RBBP7: variants seen among roughly 807,000 people sequenced by gnomAD.
RBBP7 encodes histone-binding protein RBBP7.
RBBP7 carries 5 observed loss-of-function variants against 35.2 expected under a neutral mutation model. That is an observed-to-expected ratio of 0.14 (90% CI 0.07 to 0.30). The LOEUF (loss-of-function observed/expected upper bound fraction) is 0.30. Ranked by LOEUF, RBBP7 falls within the 10% of genes least tolerant of loss-of-function variation. RBBP7 has a pLI of 1.00. For missense variants in RBBP7, 155 were observed against 327.5 expected, an observed-to-expected ratio of 0.47 and a Z score of 4.07; for synonymous variants, 140 against 118.7, an observed-to-expected ratio of 1.18 and a Z score of -1.17.
chrX:16,870,055 T>G lies in RBBP7; in HGVS notation c.-2A>C. Reference sequence around the variant, plus strand: ...CCTCTTACTCTCTTTACTCGCCATCTTGCGTCGGGTCGTTCGCCCCTCGCC... The same window carrying G: ...CCTCTTACTCTCTTTACTCGCCATCGTGCGTCGGGTCGTTCGCCCCTCGCC... On this transcript the variant is annotated 5_prime_UTR_variant, in exon 1 of 12. Coordinates refer to ENST00000380087, the MANE Select transcript of RBBP7 (RefSeq NM_002893.4). 9.3e-7 allele frequency: 1 copy of G among 1,076,620 alleles called. No individual in the cohort carries two copies. The highest frequency in any genetic ancestry group is 1.2e-6 in the Non-Finnish European group (1 of 818,226). The allele number at this position is 1,076,620 out of a possible 1,213,427, so 88.7% of individuals were successfully genotyped here.
intron 3 of RBBP7, among the ~76,000 whole-genome samples, chrX:16,862,317 G>A (rs751056800): frequency 3.7e-4 from 41 of 111,046 alleles, no homozygotes; most frequent in Non-Finnish European, 6.6e-4. Context: ...ACCAAAACAG[G>A]AGAGTATATG....
rs1930029519 is a variant in RBBP7 at position 16,844,799 on chromosome X, T to TA, written c.*235dup. The stretch of plus-strand genomic sequence containing the variant: ...AGTTGAATCAAAGGCAATACCCTGC[T>TA]ACTTGTATTTAAAATCAATGGTGAT... On this transcript the variant is annotated 3_prime_UTR_variant, in exon 12 of 12. Transcript: ENST00000380087. The TA allele has an allele frequency of 3.3e-6, 1 of 301,780 alleles. No individual in the cohort carries two copies. The highest frequency in any genetic ancestry group is 1.3e-4 in the South Asian group (1 of 7,597). 24.9% of individuals were successfully genotyped at this position (301,780 alleles called of 1,213,427 possible). A position where few individuals can be genotyped will look rare whatever the true frequency, so the allele number is the denominator to read the frequency against.
chrX:16,864,320 G>C lies in RBBP7; in HGVS notation c.162-1220C>G, dbSNP rs1271318075. 3.6e-5 allele frequency among the ~76,000 whole-genome samples: 4 copies of C among 110,697 alleles called. No individual in the cohort carries two copies. The East Asian group carries it at 8.5e-4, about 23-fold the overall frequency. ...GGATCACCTGAGGTCAGGAGTTCGAGACCAGCCTAGCCAACGTGGAGAAAC... is the reference window on the plus strand; with the variant it reads ...GGATCACCTGAGGTCAGGAGTTCGACACCAGCCTAGCCAACGTGGAGAAAC... On this transcript the variant is annotated intron_variant, in intron 2 of 11. Coordinates refer to ENST00000380087, the MANE Select transcript of RBBP7 (RefSeq NM_002893.4).
In RBBP7 at chrX:16,852,191, A is replaced by C. The variant is rs1384857134; in HGVS notation, c.964-69T>G. 61 of 923,234 alleles carry C rather than the reference A, an allele frequency of 6.6e-5. No homozygotes were observed. The Admixed American group carries it at 1.4e-3, about 21-fold the overall frequency. The allele number at this position is 923,234 out of a possible 1,213,427, so 76.1% of individuals were successfully genotyped here. On this transcript the variant is annotated intron_variant, in intron 8 of 11. Coordinates refer to ENST00000380087, the MANE Select transcript of RBBP7 (RefSeq NM_002893.4). ...CTGCTAGGTTTGTGGCTGTTGTTCT[A>C]ATCTGATATTTTCCCATCTTGCACT...
intron 8 of RBBP7, 50 bp from the exon 9 acceptor site, chrX:16,852,172 G>C (rs373559272): frequency 2.0e-6 from 2 of 1,004,222 alleles, no homozygotes; most frequent in Non-Finnish European, 2.8e-6. Flanking sequence ...TCCGCTGCTA[G>C]GTTTGTGGCT....
At chrX:16,846,624 G>A (rs374240965) in intron 10 of RBBP7, 1 of 112,054 alleles carries the variant, frequency 8.9e-6, no homozygotes, top group East Asian at 2.8e-4. Flanking sequence ...AGACAACCTC[G>A]TCGGAATGCA....
chrX:16,862,643 A>G (rs1290446177), intron 3 of RBBP7, among the ~76,000 whole-genome samples: 1 of 111,265 alleles, frequency 9.0e-6, no homozygotes, highest in East Asian at 2.8e-4. Flanking sequence ...TTGGCCTCCC[A>G]AAGTGCTGGG....
intron 8 of RBBP7, 143 bp downstream of exon 8, chrX:16,852,408 T>C (rs1930230601): frequency 3.0e-6 from 2 of 671,518 alleles, no homozygotes; most frequent in Non-Finnish European, 4.9e-6. Context: ...CAACAAGGTG[T>C]ACCTTACCCT....
Position 16,863,012 on chromosome X carries a change from G to A in RBBP7, c.250C>T (p.His84Tyr). The A allele has an allele frequency of 8.3e-7, 1 of 1,210,630 alleles. No individual in the cohort carries two copies. Among genetic ancestry groups the A allele is most frequent in the Non-Finnish European group, 1.1e-6 (1 of 894,610 alleles). The change falls in exon 3 of 12, where the codon CAT becomes TAT. Residue 84 changes from histidine to tyrosine, a missense_variant. Physicochemically the swap from His to Tyr is moderately conservative, Grantham distance 83 (BLOSUM62 2). This residue lies in a region of RBBP7 where 59 missense variants were observed against 90.4 expected (regional missense o/e 0.65). Coordinates refer to ENST00000380087, the MANE Select transcript of RBBP7 (RefSeq NM_002893.4). ...EQNHLVVARV[H>Y]IPNDDAQFDA... ...AACTGTGCATCATCATTGGGAATAT[G>A]TACTCGAGCAACCACCAGATGATTC...
chrX:16,862,038 C>G (rs377719845), intron 3 of RBBP7, among the ~76,000 whole-genome samples: 85 of 111,698 alleles, frequency 7.6e-4, no homozygotes, highest in African/African-American at 2.7e-3. Flanking sequence ...TGTGCCTATG[C>G]AACTAGTCCC....
chrX:16,848,137 G>A (rs1386001688), intron 10 of RBBP7: 1 of 111,848 alleles, frequency 8.9e-6, no homozygotes, highest in African/African-American at 3.3e-5. Context: ...AGTTGCCAAG[G>A]GCTGGAGGAA....
rs762817842 is a variant in RBBP7, at chrX:16,844,397, A to ATTGT, written c.*634_*637dup. On this transcript the variant is annotated 3_prime_UTR_variant, in exon 12 of 12. Coordinates refer to ENST00000380087, the MANE Select transcript of RBBP7 (RefSeq NM_002893.4). Reference sequence around the variant, plus strand: ...GCCCACGTCTTTCATGAGGATACGAATTGTTAAGAGGCAGTCTCGTTTTGC... The same window carrying ATTGT: ...GCCCACGTCTTTCATGAGGATACGAATTGTTTGTTAAGAGGCAGTCTCGTTTTGC... The ATTGT allele has an allele frequency of 1.8e-5, 2 of 112,399 alleles. No homozygotes were observed. Among genetic ancestry groups the ATTGT allele is most frequent in the African/African-American group, 6.5e-5 (2 of 30,917 alleles). The allele number at this position is 112,399 out of a possible 1,213,427, so 9.3% of individuals were successfully genotyped here.
intron 2 of RBBP7, among the ~76,000 whole-genome samples, chrX:16,865,063 CAAAAAA>C (rs34381419): frequency 6.2e-3 from 152 of 24,555 alleles, no homozygotes; most frequent in East Asian, 0.03. Flanking sequence ...GACCCTGTCT[CAAAAAA>C]AAAAAAAAAA....
intron 5 of RBBP7, 60 bp downstream of exon 5, chrX:16,857,534 C>T: frequency 1.7e-6 from 2 of 1,199,188 alleles, no homozygotes; most frequent in Non-Finnish European, 2.2e-6. Flanking sequence ...ACTCCTTCAG[C>T]ACAGCTGTGA....
intron 3 of RBBP7, among the ~76,000 whole-genome samples, chrX:16,862,014 G>A (rs966817798): frequency 1.8e-5 from 2 of 111,730 alleles, no homozygotes. Context: ...TGCTGTGGCT[G>A]GTTGTCAGCA....
At chrX:16,869,874 G>C (rs113369180) in intron 1 of RBBP7, 164 bp downstream of exon 1, 221,701 of 820,831 alleles carry the variant, frequency 0.27, 22,414 homozygotes, top group East Asian at 0.45. Flanking sequence ...TCGGCGCGGC[G>C]GTCCCGTCCC....
At chrX:16,865,226 A>C (rs749736873) in intron 2 of RBBP7, among the ~76,000 whole-genome samples, 2 of 111,217 alleles carry the variant, frequency 1.8e-5, no homozygotes, top group African/African-American at 6.5e-5. Context: ...CTCCACAAAA[A>C]ACAAAAAACA....
At chrX:16,851,911 G>A (rs1041606395) in intron 9 of RBBP7, 135 bp downstream of exon 9, 6 of 464,460 alleles carry the variant, frequency 1.3e-5, no homozygotes, top group African/African-American at 9.6e-5. Context: ...TCTTTAGGAA[G>A]ATGCTTAGAA....
chrX:16,852,021 A>G, intron 9 of RBBP7, 25 bp downstream of exon 9: 1 of 1,166,934 alleles, frequency 8.6e-7, no homozygotes, highest in Non-Finnish European at 1.2e-6. Flanking sequence ...TTTATGCAGT[A>G]TCTTGTCACA....
Sources: gnomAD v4.1 joint callset for allele counts (sites outside exome capture counted in the v4.1 genomes callset) on GRCh38, gnomAD v4.1.1 for gene constraint, gnomAD v4.1.1 regional missense constraint, MANE v1.5 for transcripts, NCBI Gene and HGNC (gene_info 2026-07-23, HGNC 2026-07-21) for gene names.